ANKRD17: variants seen among roughly 807,000 people sequenced by gnomAD.
ANKRD17 encodes ankyrin repeat domain-containing protein 17.
Under a neutral mutation model 229.7 loss-of-function variants are expected in ANKRD17, and 19 were observed. That is an observed-to-expected ratio of 0.08 (90% CI 0.06 to 0.12). The LOEUF (loss-of-function observed/expected upper bound fraction) is 0.12. ANKRD17 is among the 10% of genes least tolerant of loss of function. The probability of loss-of-function intolerance (pLI) is 1.00; values close to 1 mark genes in which losing one functional copy is unlikely to be tolerated. For missense variants in ANKRD17, 2,176 were observed against 3,176.8 expected, an observed-to-expected ratio of 0.68 and a Z score of 7.57; for synonymous variants, 1,112 against 1,146.1, an observed-to-expected ratio of 0.97 and a Z score of 0.60.
At chr4:73,145,696 C>A (rs1034675862) in intron 10 of ANKRD17, among the ~76,000 whole-genome samples, 1 of 152,048 alleles carries the variant, frequency 6.6e-6, no homozygotes, top group Non-Finnish European at 1.5e-5. Flanking sequence ...AGTTCTTACA[C>A]TGAAGAAGCT....
chr4:73,154,546 T>G (rs1731392584), intron 5 of ANKRD17, among the ~76,000 whole-genome samples: 1 of 152,118 alleles, frequency 6.6e-6, no homozygotes, highest in Non-Finnish European at 1.5e-5. Flanking sequence ...ACTATACCTT[T>G]TAATCATATA....
intron 1 of ANKRD17, among the ~76,000 whole-genome samples, chr4:73,235,288 T>C (rs990687343): frequency 6.6e-6 from 1 of 152,150 alleles, no homozygotes; most frequent in African/African-American, 2.4e-5. Context: ...ACAGTCATCT[T>C]TGGCTGAAAA....
At chr4:73,086,919 A>AAAAATAT (rs1553911000) in intron 29 of ANKRD17, among the ~76,000 whole-genome samples, 3 of 12,462 alleles carry the variant, frequency 2.4e-4, no homozygotes, top group East Asian at 1.7e-3. Flanking sequence ...AAAAAAAAAA[A>AAAAATAT]ATATATATAT....
rs1183043035 is a variant in ANKRD17, at chr4:73,090,991, T to C, written c.6637A>G (p.Ser2213Gly). ...LSVNHIKRPH[S>G]VPSSVQLPST... ...GGTAGCTGGACAGAAGAGGGAACAC[T>C]GTGAGGTCTTTTAATGTGATTGACA... is the stretch of plus-strand genomic sequence containing the variant. Residue 2213 changes from serine (S) to glycine (G), a missense_variant, in exon 29 of 34, where the codon AGT (serine) becomes GGT (glycine). Coordinates refer to ENST00000358602, the MANE Select transcript of ANKRD17 (RefSeq NM_032217.5). The C allele has an allele frequency of 1.2e-6, 2 of 1,614,236 alleles. No homozygotes were observed. The highest frequency in any genetic ancestry group is 1.7e-6 in the Non-Finnish European group (2 of 1,180,040).
chr4:73,204,389 A>T (rs994333027), intron 1 of ANKRD17, among the ~76,000 whole-genome samples: 1 of 151,426 alleles, frequency 6.6e-6, no homozygotes, highest in African/African-American at 2.4e-5. Context: ...AGAAAAGAAA[A>T]GAAAAGAAAA....
In ANKRD17 at chr4:73,258,698, G is replaced by C; in HGVS notation, c.-30C>G. 1 of 1,434,492 alleles carries C rather than the reference G, an allele frequency of 7.0e-7. No individual in the cohort carries two copies. The highest frequency in any genetic ancestry group is 1.4e-5 in the South Asian group (1 of 69,184). 88.9% of individuals were successfully genotyped at this position (1,434,492 alleles called of 1,614,324 possible). A position where few individuals can be genotyped will look rare whatever the true frequency, so the allele number is the denominator to read the frequency against. ...AGGGAAAGAGGGAGGGCGCGGACGG[G>C]GGAGGGGCGTGGGGCTACGCTCTAC... On this transcript the variant is annotated 5_prime_UTR_variant, in exon 1 of 34. Transcript: ENST00000358602.
intron 15 of ANKRD17, 59 bp downstream of exon 15, chr4:73,139,472 A>G (rs967143242): frequency 1.8e-5 from 27 of 1,527,240 alleles, no homozygotes; most frequent in Non-Finnish European, 2.3e-5. Flanking sequence ...ATTTGGGTAC[A>G]TTCTTACTCG....
chr4:73,156,209 T>TAA (rs1212614869), intron 3 of ANKRD17, 43 bp from the exon 4 acceptor site: 2 of 1,538,784 alleles, frequency 1.3e-6, no homozygotes, highest in African/African-American at 2.8e-5. Flanking sequence ...ATAAGAATAT[T>TAA]AAAAAATTGC....
chr4:73,177,219 A>G (rs891211510), intron 2 of ANKRD17, among the ~76,000 whole-genome samples, 161 bp downstream of exon 2: 1 of 152,234 alleles, frequency 6.6e-6, no homozygotes, highest in Non-Finnish European at 1.5e-5. Flanking sequence ...AATATGCTTT[A>G]GTAAAACGCT....
At chr4:73,221,520 C>T (rs907016427) in intron 1 of ANKRD17, among the ~76,000 whole-genome samples, 19 of 152,012 alleles carry the variant, frequency 1.2e-4, no homozygotes, top group Admixed American at 1.2e-3. Context: ...AAAATCCAAA[C>T]CAAAAAATTT....
At chr4:73,174,506 C>T (rs1013428754) in intron 2 of ANKRD17, among the ~76,000 whole-genome samples, 6 of 152,004 alleles carry the variant, frequency 3.9e-5, no homozygotes, top group Admixed American at 1.3e-4. Flanking sequence ...TGAAAGCATC[C>T]CCCCAAGAAC....
At position 73,098,418 on chromosome 4, in the gene ANKRD17, T is replaced by C; in HGVS notation, c.4676A>G (p.Asn1559Ser). ...TTLAGSHGKR[N>S]NTITTTSSKR... The stretch of plus-strand genomic sequence containing the variant: ...TGAACTGGTTGTAGTTATGGTATTA[T>C]TTCTTTTACCATGAGAACCTGCCAA... Residue 1559 changes from asparagine (N) to serine (S), a missense_variant, in exon 26 of 34, where the codon AAT (asparagine) becomes AGT (serine). By Grantham distance (46) the Asn-to-Ser change is conservative. Around this residue, in one of 18 missense-constraint regions of ANKRD17, gnomAD observed 105 missense variants for 118.3 expected, o/e 0.89. Coordinates refer to ENST00000358602, the MANE Select transcript of ANKRD17 (RefSeq NM_032217.5). 1 of 1,614,194 alleles carries C rather than the reference T, an allele frequency of 6.2e-7. No homozygotes were observed. Among genetic ancestry groups the C allele is most frequent in the Non-Finnish European group, 8.5e-7 (1 of 1,179,998 alleles).
At chr4:73,194,245 C>CATATG (rs1409648934) in intron 1 of ANKRD17, among the ~76,000 whole-genome samples, 1 of 152,154 alleles carries the variant, frequency 6.6e-6, no homozygotes, top group Non-Finnish European at 1.5e-5. Context: ...TACATTGAGG[C>CATATG]ATATGATTAA....
chr4:73,176,854 A>T (rs1734799799), intron 2 of ANKRD17, among the ~76,000 whole-genome samples: 1 of 152,190 alleles, frequency 6.6e-6, no homozygotes, highest in African/African-American at 2.4e-5. Context: ...CTATGTACCC[A>T]CAAAAATTAA....
intron 6 of ANKRD17, among the ~76,000 whole-genome samples, chr4:73,151,832 T>C (rs1293356337): frequency 2.0e-5 from 3 of 152,182 alleles, no homozygotes; most frequent in African/African-American, 7.2e-5. Context: ...AGGCATGTTA[T>C]ATAGTTATGT....
intron 20 of ANKRD17, among the ~76,000 whole-genome samples, 161 bp downstream of exon 20, chr4:73,120,720 G>A (rs966489299): frequency 6.6e-6 from 1 of 151,866 alleles, no homozygotes; most frequent in African/African-American, 2.4e-5. Context: ...ATTTTCAAGA[G>A]TTAATGTTTG....
At chr4:73,104,761 G>A (rs1344675660) in intron 24 of ANKRD17, among the ~76,000 whole-genome samples, 1 of 151,074 alleles carries the variant, frequency 6.6e-6, no homozygotes, top group Non-Finnish European at 1.5e-5. Context: ...AGGTGGGGGG[G>A]ATTTGGGGGT....
chr4:73,166,075 C>G (rs1733189256), intron 2 of ANKRD17, among the ~76,000 whole-genome samples: 1 of 152,224 alleles, frequency 6.6e-6, no homozygotes, highest in Admixed American at 6.5e-5. Context: ...TTTCACACCA[C>G]TATATTTATA....
At chr4:73,230,269 A>ATAAG (rs1742915234) in intron 1 of ANKRD17, among the ~76,000 whole-genome samples, 2 of 152,174 alleles carry the variant, frequency 1.3e-5, no homozygotes, top group Non-Finnish European at 2.9e-5. Flanking sequence ...TATTCTAAAT[A>ATAAG]TAAGGAATGG....
Sources: gnomAD v4.1 joint callset for allele counts (sites outside exome capture counted in the v4.1 genomes callset) on GRCh38, gnomAD v4.1.1 for gene constraint, gnomAD v4.1.1 regional missense constraint, MANE v1.5 for transcripts, NCBI Gene and HGNC (gene_info 2026-07-23, HGNC 2026-07-21) for gene names.